CPEB3: variants seen among roughly 807,000 people sequenced by gnomAD.
The protein encoded by CPEB3 is cytoplasmic polyadenylation element binding protein 3.
Under a neutral mutation model 67.2 loss-of-function variants are expected in CPEB3, and 20 were observed. That is an observed-to-expected ratio of 0.30 (90% CI 0.21 to 0.43). The LOEUF (loss-of-function observed/expected upper bound fraction) is 0.43, where lower values mean the gene tolerates loss of function less well. CPEB3 is among the 20% of genes least tolerant of loss of function. The probability of loss-of-function intolerance (pLI) is 1.00; values close to 1 mark genes in which losing one functional copy is unlikely to be tolerated. For synonymous variants in CPEB3, 376 were observed against 393.1 expected, an observed-to-expected ratio of 0.96 and a Z score of 0.51; for missense variants, 746 against 968.6, an observed-to-expected ratio of 0.77 and a Z score of 3.05.
chr10:92,204,511 C>A (rs1029592038), intron 2 of CPEB3, among the ~76,000 whole-genome samples: 1 of 152,242 alleles, frequency 6.6e-6, no homozygotes, highest in African/African-American at 2.4e-5. Context: ...ACTCCCTGGC[C>A]ATCACTGGAA....
At chr10:92,101,461 A>T (rs1844185789) in intron 7 of CPEB3, among the ~76,000 whole-genome samples, 1 of 152,178 alleles carries the variant, frequency 6.6e-6, no homozygotes, top group South Asian at 2.1e-4. Flanking sequence ...AATAGCCAGG[A>T]TGAGTCAGCT....
chr10:92,125,990 C>T (rs934823557), intron 6 of CPEB3, among the ~76,000 whole-genome samples: 2 of 152,152 alleles, frequency 1.3e-5, no homozygotes, highest in Non-Finnish European at 2.9e-5. Context: ...TCCAAAAGTA[C>T]TTAGATTACA....
intron 6 of CPEB3, among the ~76,000 whole-genome samples, chr10:92,113,568 T>C (rs1281035630): frequency 6.6e-6 from 1 of 152,204 alleles, no homozygotes; most frequent in Admixed American, 6.5e-5. Flanking sequence ...TATATTGTAT[T>C]ATGTACACAT....
intron 1 of CPEB3, among the ~76,000 whole-genome samples, chr10:92,266,272 C>T (rs1658630792): frequency 6.6e-6 from 1 of 152,090 alleles, no homozygotes; most frequent in Non-Finnish European, 1.5e-5. Flanking sequence ...TGAAACATCC[C>T]ACTCTAAACA....
intron 9 of CPEB3, chr10:92,076,490 G>A (rs1279533860): frequency 6.6e-6 from 1 of 151,930 alleles, no homozygotes; most frequent in African/African-American, 2.4e-5. Flanking sequence ...TTGTAGCTTT[G>A]ACCTCTTGGG....
intron 1 of CPEB3, among the ~76,000 whole-genome samples, chr10:92,267,262 C>T (rs1156517967): frequency 6.6e-6 from 1 of 152,170 alleles, no homozygotes; most frequent in Non-Finnish European, 1.5e-5. Flanking sequence ...TTGTTACATA[C>T]TCTTCTTGTT....
intron 2 of CPEB3, among the ~76,000 whole-genome samples, chr10:92,197,942 A>G (rs1849318721): frequency 6.6e-6 from 1 of 152,064 alleles, no homozygotes; most frequent in African/African-American, 2.4e-5. Flanking sequence ...CACCATCTCT[A>G]CTAAAACTAC....
intron 3 of CPEB3, among the ~76,000 whole-genome samples, chr10:92,190,513 A>G (rs1848917457): frequency 6.6e-6 from 1 of 151,410 alleles, no homozygotes; most frequent in Non-Finnish European, 1.5e-5. Flanking sequence ...TAAAAATACA[A>G]AATTAGCTGG....
Position 92,048,787 on chromosome 10 carries a change from T to C in CPEB3, c.*3425A>G, listed in dbSNP as rs1451939228. On this transcript the variant is annotated 3_prime_UTR_variant, in exon 10 of 10. Transcript: ENST00000265997. The surrounding 1 kb of genome is among the most constrained non-coding windows in gnomAD (Gnocchi z 4.1). Reference sequence around the variant, plus strand: ...CTTTGCATTTCAAAAAACTAGACACTTTAGTAACAATATTACAAAGGTTTT... The same window carrying C: ...CTTTGCATTTCAAAAAACTAGACACCTTAGTAACAATATTACAAAGGTTTT... 1.3e-5 allele frequency: 2 copies of C among 152,542 alleles called. No homozygotes were observed. The highest frequency in any genetic ancestry group is 2.9e-5 in the Non-Finnish European group (2 of 68,010). 9.4% of individuals were successfully genotyped at this position (152,542 alleles called of 1,614,324 possible).
At chr10:92,223,915 A>T (rs1048202373) in intron 2 of CPEB3, among the ~76,000 whole-genome samples, 1 of 151,754 alleles carries the variant, frequency 6.6e-6, no homozygotes, top group African/African-American at 2.4e-5. Flanking sequence ...CACCCGGCTA[A>T]TTTTTGTATT....
intron 9 of CPEB3, among the ~76,000 whole-genome samples, chr10:92,078,488 T>C (rs833365): frequency 0.72 from 108,703 of 151,972 alleles, 39,037 homozygotes; most frequent in East Asian, 0.78. Context: ...GTAACTTGCT[T>C]GGACTTGACA....
intron 6 of CPEB3, among the ~76,000 whole-genome samples, chr10:92,124,686 T>C (rs898902501): frequency 6.6e-6 from 1 of 152,182 alleles, no homozygotes; most frequent in African/African-American, 2.4e-5. Context: ...CTAAAACCCT[T>C]GGCTTCCCAA....
chr10:92,074,982 A>C (rs979897019), intron 9 of CPEB3, among the ~76,000 whole-genome samples: 12 of 152,092 alleles, frequency 7.9e-5, no homozygotes, highest in Non-Finnish European at 1.3e-4. Context: ...GATTCTGCAC[A>C]TTAGTGAGTG....
rs569274599 is a variant in CPEB3 at position 92,254,920 on chromosome 10, C to G, written c.-11-14559G>C. On this transcript the variant is annotated intron_variant, in intron 1 of 9. Transcript: ENST00000265997. The stretch of plus-strand genomic sequence containing the variant: ...ATGGAGTGCTGCCACATCACCCAGG[C>G]TAGTTTCAAATGCCGGGCCTCCAGT... Among the ~76,000 whole-genome samples, 13 of 151,626 alleles carry G rather than the reference C, an allele frequency of 8.6e-5. No individual in the cohort carries two copies. The East Asian group carries it at 2.3e-3, about 27-fold the overall frequency.
In CPEB3 at chr10:92,239,789, G is replaced by C; in HGVS notation, c.562C>G (p.Gln188Glu). 1 of 1,412,746 alleles carries C rather than the reference G, an allele frequency of 7.1e-7. No individual in the cohort carries two copies. Among genetic ancestry groups the C allele is most frequent in the Non-Finnish European group, 9.2e-7 (1 of 1,090,596 alleles). 87.5% of individuals were successfully genotyped at this position (1,412,746 alleles called of 1,614,324 possible). ...PAQPPQAQPPQQRRSPASPSQ... is the reference protein window; with the variant it reads ...PAQPPQAQPPEQRRSPASPSQ... ...GGGCTGGCGGGTGAGCGGCGCTGCT[G>C]CGGGGGCTGCGCCTGTGGTGGCTGC... Residue 188 changes from glutamine (Q) to glutamate (E), a missense_variant, in exon 2 of 10, where the codon CAG becomes GAG. Gln to Glu is a conservative substitution (Grantham distance 29). Around this residue, in one of 2 missense-constraint regions of CPEB3, gnomAD observed 643 missense variants for 717.5 expected, o/e 0.90. Transcript: ENST00000265997. This position sits in a 1 kb window ranked among gnomAD's most constrained non-coding sequence, Gnocchi z 6.0.
chr10:92,107,270 T>C (rs1228864959), intron 7 of CPEB3, among the ~76,000 whole-genome samples: 1 of 152,246 alleles, frequency 6.6e-6, no homozygotes, highest in East Asian at 1.9e-4. Flanking sequence ...AAGCATACTT[T>C]AGTTTGGTAA....
chr10:92,221,807 A>AC (rs1850712615), intron 2 of CPEB3, among the ~76,000 whole-genome samples: 1 of 151,940 alleles, frequency 6.6e-6, no homozygotes, highest in Non-Finnish European at 1.5e-5. Flanking sequence ...GTACAATGAG[A>AC]CCCCATCTCT....
chr10:92,108,622 T>C (rs1844583032), intron 7 of CPEB3, among the ~76,000 whole-genome samples: 1 of 152,186 alleles, frequency 6.6e-6, no homozygotes, highest in South Asian at 2.1e-4. Context: ...AAATTCTGAG[T>C]ATGCCTGGGT....
At chr10:92,203,889 C>G (rs532217326) in intron 2 of CPEB3, among the ~76,000 whole-genome samples, 2 of 152,164 alleles carry the variant, frequency 1.3e-5, no homozygotes, top group Non-Finnish European at 2.9e-5. Context: ...ATAACTAATG[C>G]CATCTATCAT....
Sources: allele counts gnomAD v4.1 joint callset (sites outside exome capture counted in the v4.1 genomes callset), GRCh38; gene constraint gnomAD v4.1.1; regional missense constraint gnomAD v4.1.1; non-coding constraint Gnocchi (gnomAD v3.1); transcripts MANE v1.5; gene names NCBI Gene and HGNC (gene_info 2026-07-23, HGNC 2026-07-21).